The following ERBB4 variants were observed in gnomAD, a reference collection of about 807,000 sequenced individuals.
ERBB4 encodes the protein erb-b2 receptor tyrosine kinase 4.
Under a neutral mutation model 158.0 loss-of-function variants are expected in ERBB4, and 42 were observed. That is an observed-to-expected ratio of 0.27 (90% CI 0.21 to 0.34). The LOEUF (loss-of-function observed/expected upper bound fraction) is 0.34. ERBB4 is among the 10% of genes least tolerant of loss of function. ERBB4 has a pLI of 1.00. For missense variants in ERBB4, 1,333 were observed against 1,624.1 expected (o/e 0.82, Z 3.08); for synonymous variants, 583 against 558.7 (o/e 1.04, Z -0.61).
intron 3 of ERBB4, among the ~76,000 whole-genome samples, chr2:211,790,272 C>T (rs1479211924): frequency 6.6e-6 from 1 of 151,524 alleles, no homozygotes; most frequent in Non-Finnish European, 1.5e-5. Context: ...GACTGCTATC[C>T]AGGAAATAAA....
At chr2:211,888,071 T>C (rs878885422) in intron 3 of ERBB4, among the ~76,000 whole-genome samples, 1 of 152,208 alleles carries the variant, frequency 6.6e-6, no homozygotes, top group Admixed American at 6.5e-5. Flanking sequence ...TAGCAATATC[T>C]TCTGAAATAC....
chr2:211,830,550 T>A (rs891401327), intron 3 of ERBB4, among the ~76,000 whole-genome samples: 1 of 152,198 alleles, frequency 6.6e-6, no homozygotes, highest in Non-Finnish European at 1.5e-5. Flanking sequence ...GTTAACAATA[T>A]ATTTTTAGTT....
chr2:212,044,267 A>G (rs1158078396), intron 2 of ERBB4, among the ~76,000 whole-genome samples: 1 of 152,184 alleles, frequency 6.6e-6, no homozygotes, highest in African/African-American at 2.4e-5. Context: ...TATAAAAGTT[A>G]CACTCGAAAA....
intron 15 of ERBB4, among the ~76,000 whole-genome samples, chr2:211,661,966 G>GA (rs1559392403): frequency 7.0e-6 from 1 of 142,276 alleles, no homozygotes; most frequent in Non-Finnish European, 1.5e-5. Flanking sequence ...GTGAACCCGG[G>GA]AGGCGGAGCT....
intron 1 of ERBB4, among the ~76,000 whole-genome samples, chr2:212,451,304 A>G (rs1410581212): frequency 1.6e-4 from 24 of 152,226 alleles, no homozygotes; most frequent in Non-Finnish European, 1.5e-5. Flanking sequence ...AAAGTATGAG[A>G]AGAATTTATA....
intron 1 of ERBB4, among the ~76,000 whole-genome samples, chr2:212,288,792 C>G (rs1455726495): frequency 1.3e-5 from 2 of 151,834 alleles, no homozygotes; most frequent in Non-Finnish European, 2.9e-5. Context: ...ATCTAAGGCC[C>G]TGGGAATGAT....
At chr2:211,913,099 A>T (rs544525706) in intron 3 of ERBB4, among the ~76,000 whole-genome samples, 2 of 152,172 alleles carry the variant, frequency 1.3e-5, no homozygotes, top group Non-Finnish European at 2.9e-5. Flanking sequence ...CCATCTGTAC[A>T]GGTTAAATAA....
At chr2:211,842,097 T>A (rs2077483199) in intron 3 of ERBB4, among the ~76,000 whole-genome samples, 1 of 152,082 alleles carries the variant, frequency 6.6e-6, no homozygotes, top group Admixed American at 6.6e-5. Context: ...AATTTACCAA[T>A]TCCTAAATTA....
intron 20 of ERBB4, among the ~76,000 whole-genome samples, chr2:211,462,842 C>CA (rs1331978424): frequency 6.6e-6 from 1 of 152,100 alleles, no homozygotes; most frequent in East Asian, 1.9e-4. Flanking sequence ...TACTAGAGTT[C>CA]AAAATCAATG....
chr2:212,513,144 G>T (rs1254766389), intron 1 of ERBB4, among the ~76,000 whole-genome samples: 1 of 151,978 alleles, frequency 6.6e-6, no homozygotes. Flanking sequence ...ATAAAATTTG[G>T]AAAGTATCTA....
At chr2:212,042,030 G>A (rs559910837) in intron 2 of ERBB4, among the ~76,000 whole-genome samples, 1 of 151,978 alleles carries the variant, frequency 6.6e-6, no homozygotes, top group South Asian at 2.1e-4. Context: ...TTGCTTCCAC[G>A]CTCTATTATC....
intron 1 of ERBB4, among the ~76,000 whole-genome samples, chr2:212,255,599 T>C (rs1435765017): frequency 6.6e-6 from 1 of 152,050 alleles, no homozygotes; most frequent in Non-Finnish European, 1.5e-5. Flanking sequence ...AGGTTTTTGG[T>C]GTGTGTGTGT....
At chr2:211,770,568 G>C (rs964159724) in intron 4 of ERBB4, among the ~76,000 whole-genome samples, 1 of 152,126 alleles carries the variant, frequency 6.6e-6, no homozygotes, top group Non-Finnish European at 1.5e-5. Context: ...TAGTGAAAAT[G>C]CTTGTTAAAA....
intron 3 of ERBB4, among the ~76,000 whole-genome samples, chr2:211,884,613 G>A (rs560957124): frequency 6.6e-6 from 1 of 152,112 alleles, no homozygotes; most frequent in East Asian, 1.9e-4. Context: ...TTTTCTAAAG[G>A]TGCCCATTTC....
intron 1 of ERBB4, among the ~76,000 whole-genome samples, chr2:212,186,816 T>C (rs185825073): frequency 1.1e-3 from 175 of 152,316 alleles, no homozygotes; most frequent in Non-Finnish European, 2.0e-3. Flanking sequence ...TATGCAGCGA[T>C]AAAATACGTC....
intron 14 of ERBB4, among the ~76,000 whole-genome samples, chr2:211,670,346 G>A (rs567545187): frequency 1.9e-4 from 29 of 152,230 alleles, no homozygotes; most frequent in Admixed American, 7.2e-4. Flanking sequence ...GAAAGATGTC[G>A]TGTTCTTACC....
At chr2:211,787,960 A>G in intron 4 of ERBB4, 65 bp downstream of exon 4, 1 of 1,482,722 alleles carries the variant, frequency 6.7e-7, no homozygotes, top group Non-Finnish European at 9.4e-7. Flanking sequence ...CATAATAAGC[A>G]TAACTCATTC....
intron 20 of ERBB4, chr2:211,535,589 A>ATGTGTATGTGTGTGTGTGTGTG (rs1553561682): frequency 2.8e-5 from 4 of 144,732 alleles, no homozygotes; most frequent in African/African-American, 1.0e-4. Context: ...GAGAGAGTGT[A>ATGTGTATGTGTGTGTGTGTGTG]TGTGTGTGTG....
intron 25 of ERBB4, among the ~76,000 whole-genome samples, chr2:211,411,883 G>C (rs1253651373): frequency 6.6e-6 from 1 of 151,838 alleles, no homozygotes; most frequent in Non-Finnish European, 1.5e-5. Context: ...GATAAAGCAT[G>C]GAAATATTAA....
Sources: gnomAD v4.1 joint callset for allele counts (sites outside exome capture counted in the v4.1 genomes callset) on GRCh38, gnomAD v4.1.1 for gene constraint, MANE v1.5 for transcripts, NCBI Gene and HGNC (gene_info 2026-07-23, HGNC 2026-07-21) for gene names.